ATP9B: variants seen among roughly 807,000 people sequenced by gnomAD.
The protein encoded by ATP9B is probable phospholipid-transporting ATPase IIB.
In ATP9B, 110 loss-of-function variants were observed where a neutral mutation model predicts 146.1. The ratio of observed to expected loss-of-function variants is 0.75; its 90% CI spans 0.65 to 0.88. The LOEUF is 0.88. Ranked by LOEUF, ATP9B falls within the 40% of genes least tolerant of loss-of-function variation. ATP9B has a pLI of 0.00. For missense variants in ATP9B, 1,499 were observed against 1,496.4 expected (o/e 1.00, Z -0.03); for synonymous variants, 604 against 569.7 (o/e 1.06, Z -0.86).
At chr18:79,286,142 C>G (rs2096438280) in intron 13 of ATP9B, among the ~76,000 whole-genome samples, 1 of 149,944 alleles carries the variant, frequency 6.7e-6, no homozygotes. Flanking sequence ...TAGTTTTTTC[C>G]AATTCTGTGA....
chr18:79,153,849 T>C (rs1167458305), intron 6 of ATP9B, among the ~76,000 whole-genome samples: 1 of 152,034 alleles, frequency 6.6e-6, no homozygotes, highest in Non-Finnish European at 1.5e-5. Context: ...AGCTTTGCCA[T>C]GTTGCCTCGT....
At chr18:79,281,663 A>G (rs949870859) in intron 13 of ATP9B, among the ~76,000 whole-genome samples, 1 of 152,222 alleles carries the variant, frequency 6.6e-6, no homozygotes, top group African/African-American at 2.4e-5. Context: ...AAAAAAGTGT[A>G]AGCTGTTAAA....
At chr18:79,215,916 C>T (rs55661546) in intron 11 of ATP9B, among the ~76,000 whole-genome samples, 19,700 of 152,140 alleles carry the variant, frequency 0.13, 1,393 homozygotes, top group East Asian at 0.18. Context: ...TTTCAAACTC[C>T]TGACCTCAAG....
chr18:79,103,692 C>T (rs1235892457), intron 2 of ATP9B, among the ~76,000 whole-genome samples: 1 of 151,988 alleles, frequency 6.6e-6, no homozygotes, highest in African/African-American at 2.4e-5. Flanking sequence ...TTTGGTCACG[C>T]TTTGGTAGAG....
At chr18:79,174,077 T>A (rs141246135) in intron 7 of ATP9B, 5,512 of 294,636 alleles carry the variant, frequency 0.019, 76 homozygotes, top group Admixed American at 0.027. Flanking sequence ...TCATCATTTT[T>A]AAAAATTTAA....
chr18:79,252,823 CA>C (rs766543553), intron 11 of ATP9B, among the ~76,000 whole-genome samples: 40 of 135,134 alleles, frequency 3.0e-4, no homozygotes, highest in Admixed American at 6.8e-4. Context: ...TTCTGTAAGA[CA>C]AGTTCTTTCA....
chr18:79,375,584 C>T, intron 29 of ATP9B, 158 bp downstream of exon 29: 1 of 985,012 alleles, frequency 1.0e-6, no homozygotes, highest in Non-Finnish European at 1.2e-6. Flanking sequence ...GCTTGCTCGG[C>T]TAGTCATGGG....
chr18:79,279,900 G>A lies in ATP9B; in HGVS notation c.1411+2704G>A, dbSNP rs115282018. On this transcript the variant is annotated intron_variant, in intron 13 of 29. Coordinates refer to ENST00000426216, the MANE Select transcript of ATP9B (RefSeq NM_198531.5). ...TTAAGTTAGCGTTAGCGCATCACTT[G>A]GTAAAACACATTTTGGCATCATCAG... Among the ~76,000 whole-genome samples, 1,014 of 152,232 alleles carry A rather than the reference G, an allele frequency of 6.7e-3. 6 individuals carry two copies. Among genetic ancestry groups the A allele is most frequent in the African/African-American group, 0.023 (940 of 41,556 alleles).
At chr18:79,372,334 C>T (rs1432025585) in intron 26 of ATP9B, 1 of 294,790 alleles carries the variant, frequency 3.4e-6, no homozygotes, top group African/African-American at 2.2e-5. Context: ...ATGTATGTGA[C>T]ATGTTCTCCA....
chr18:79,073,610 G>A (rs1168460542), intron 1 of ATP9B, among the ~76,000 whole-genome samples: 2 of 152,124 alleles, frequency 1.3e-5, no homozygotes, highest in East Asian at 1.9e-4. Context: ...GAGGGAGACC[G>A]TGGAAAGCGG....
chr18:79,219,181 C>T (rs572976031), intron 11 of ATP9B, among the ~76,000 whole-genome samples: 40 of 152,150 alleles, frequency 2.6e-4, no homozygotes, highest in Non-Finnish European at 4.9e-4. Flanking sequence ...ACTGACAGTA[C>T]GTTTATTAGG....
intron 12 of ATP9B, among the ~76,000 whole-genome samples, chr18:79,263,995 G>A (rs572800270): frequency 8.8e-4 from 134 of 152,252 alleles, no homozygotes; most frequent in African/African-American, 3.2e-3. Flanking sequence ...TGAGGCAGGA[G>A]AATGGCGTCA....
intron 7 of ATP9B, among the ~76,000 whole-genome samples, chr18:79,166,130 C>T (rs964235698): frequency 2.0e-5 from 3 of 152,150 alleles, no homozygotes; most frequent in Non-Finnish European, 4.4e-5. Flanking sequence ...TGTCTGCAGC[C>T]TTCCCTACAG....
chr18:79,367,024 ACGCAGAGAAAG>A (rs2097034244), intron 26 of ATP9B, among the ~76,000 whole-genome samples: 2 of 151,206 alleles, frequency 1.3e-5, no homozygotes, highest in Non-Finnish European at 3.0e-5. Flanking sequence ...CACCGTGTGT[ACGCAGAGAAAG>A]TGCCTCCTCA....
intron 12 of ATP9B, among the ~76,000 whole-genome samples, chr18:79,271,314 T>C (rs2096251240): frequency 6.6e-6 from 1 of 152,182 alleles, no homozygotes; most frequent in South Asian, 2.1e-4. Flanking sequence ...TGTATACATG[T>C]GTCATGTTGG....
At chr18:79,300,983 TC>T (rs1395751052) in intron 13 of ATP9B, among the ~76,000 whole-genome samples, 1 of 152,222 alleles carries the variant, frequency 6.6e-6, no homozygotes, top group Non-Finnish European at 1.5e-5. Flanking sequence ...GAGAGAAAAG[TC>T]TAAAGGAAAT....
intron 26 of ATP9B, among the ~76,000 whole-genome samples, chr18:79,367,753 T>C (rs2097043128): frequency 6.6e-6 from 1 of 152,232 alleles, no homozygotes; most frequent in Non-Finnish European, 1.5e-5. Context: ...TGTGGAGCCC[T>C]GCAGGGGACA....
At chr18:79,088,740 A>G (rs991614309) in intron 1 of ATP9B, among the ~76,000 whole-genome samples, 2 of 152,198 alleles carry the variant, frequency 1.3e-5, no homozygotes, top group Non-Finnish European at 2.9e-5. Flanking sequence ...CCAATTATTT[A>G]TTCATGGATA....
At chr18:79,336,858 A>C in intron 18 of ATP9B, 147 bp downstream of exon 18, 1 of 778,940 alleles carries the variant, frequency 1.3e-6, no homozygotes, top group Non-Finnish European at 2.1e-6. Context: ...GCATGGGGTG[A>C]TCCTGTCTGC....
Sources: gnomAD v4.1 joint callset for allele counts (sites outside exome capture counted in the v4.1 genomes callset) on GRCh38, gnomAD v4.1.1 for gene constraint, MANE v1.5 for transcripts, NCBI Gene and HGNC (gene_info 2026-07-23, HGNC 2026-07-21) for gene names.